RNPC3: variants seen among roughly 807,000 people sequenced by gnomAD.
RNPC3 encodes the protein RNA-binding region-containing protein 3.
A neutral mutation model predicts 67.5 loss-of-function variants in RNPC3; 48 were observed. That is an observed-to-expected ratio of 0.71 (90% CI 0.56 to 0.90). The LOEUF is 0.90. Among genes scored for constraint, RNPC3 ranks in the 40% least tolerant of loss-of-function variants. The pLI, the probability that RNPC3 is intolerant of heterozygous loss-of-function variation, is 0.00. For synonymous variants in RNPC3, 239 were observed against 210.3 expected (o/e 1.14, Z -1.18); for missense variants, 637 against 626.1 (o/e 1.02, Z -0.19).
rs1388440703 is a variant in RNPC3 at position 103,551,766 on chromosome 1, AAAAG to A, written c.1545_1548del (p.Arg515SerfsTer5). On this transcript the variant is annotated frameshift_variant, in exon 14 of 15. Transcript: ENST00000423855. LOFTEE classifies it high-confidence loss of function. ...ACCAAAACAAGATCCTAAGGAAGGA[AAAAG>A]AAAGTGTTAAAAATTAATAAAGGTA... The A allele has an allele frequency of 2.6e-6, 4 of 1,520,068 alleles. No individual in the cohort carries two copies. The highest frequency in any genetic ancestry group is 2.1e-5 in the Admixed American group (1 of 47,594). The allele number at this position is 1,520,068 out of a possible 1,614,324, so 94.2% of individuals were successfully genotyped here.
rs1002506388 is a variant in RNPC3, at chr1:103,533,670, A to G, written c.241-69A>G. The stretch of plus-strand genomic sequence containing the variant: ...ATTAGCAAAAAAAAAAAAAAGTATA[A>G]AAATTGGTCTCTAACGAATCATTTT... On this transcript the variant is annotated intron_variant, in intron 2 of 14. Coordinates refer to ENST00000423855, the MANE Select transcript of RNPC3 (RefSeq NM_017619.4). 6 of 819,164 alleles carry G rather than the reference A, an allele frequency of 7.3e-6. No homozygotes were observed. The East Asian group carries it at 1.6e-4, about 22-fold the overall frequency. 50.7% of individuals were successfully genotyped at this position (819,164 alleles called of 1,614,324 possible). A position where few individuals can be genotyped will look rare whatever the true frequency, so the allele number is the denominator to read the frequency against.
intron 6 of RNPC3, among the ~76,000 whole-genome samples, chr1:103,537,111 A>G (rs1301398509): frequency 2.0e-5 from 3 of 152,188 alleles, no homozygotes; most frequent in Non-Finnish European, 4.4e-5. Flanking sequence ...AAGGAGAAAT[A>G]TAACTGCAGA....
At chr1:103,541,273 A>T in intron 7 of RNPC3, 77 bp from the exon 8 acceptor site, 1 of 1,063,492 alleles carries the variant, frequency 9.4e-7, no homozygotes, top group Non-Finnish European at 1.3e-6. Flanking sequence ...ATACAAATTT[A>T]ACGTTAATAG....
intron 2 of RNPC3, among the ~76,000 whole-genome samples, chr1:103,529,322 A>G (rs1038657045): frequency 4.6e-5 from 7 of 152,174 alleles, no homozygotes; most frequent in South Asian, 2.1e-4. Flanking sequence ...AAGTATGGTA[A>G]TGAAAAACGC....
rs1296407355 is a variant in RNPC3, at chr1:103,525,925, G to C, written c.-146G>C. ...CGCTTTTCGGTGGCGCAGTTCTCGC[G>C]AGAAGGTGACTTTCTTTCTCGGTAT... On this transcript the variant is annotated 5_prime_UTR_variant, in exon 1 of 15. Transcript: ENST00000423855. 9.0e-6 allele frequency: 6 copies of C among 669,720 alleles called. No homozygotes were observed. The highest frequency in any genetic ancestry group is 4.0e-5 in the South Asian group (2 of 49,750). The allele number at this position is 669,720 out of a possible 1,614,324, so 41.5% of individuals were successfully genotyped here.
chr1:103,534,830 T>C lies in RNPC3; in HGVS notation c.416T>C (p.Val139Ala). 2.6e-6 allele frequency: 4 copies of C among 1,532,594 alleles called. No homozygotes were observed. The highest frequency in any genetic ancestry group is 3.5e-6 in the Non-Finnish European group (4 of 1,144,554). The allele number at this position is 1,532,594 out of a possible 1,614,324, so 94.9% of individuals were successfully genotyped here. A position where few individuals can be genotyped will look rare whatever the true frequency, so the allele number is the denominator to read the frequency against. Residue 139 changes from valine (V) to alanine (A), a missense_variant, in exon 4 of 15, where the codon GTA becomes GCA. Val to Ala is a moderately conservative substitution (Grantham distance 64, BLOSUM62 0). This residue lies in a region of RNPC3 where 536 missense variants were observed against 500.3 expected (regional missense o/e 1.07). Coordinates refer to ENST00000423855, the MANE Select transcript of RNPC3 (RefSeq NM_017619.4). Reference sequence around the variant, plus strand: ...AAAAAAGAACTTGGTTATTTAACAGTAGAAAATGGAATTGCACCAAACCAT... The same window carrying C: ...AAAAAAGAACTTGGTTATTTAACAGCAGAAAATGGAATTGCACCAAACCAT... ...KEKKELGYLT[V>A]ENGIAPNHGL...
intron 2 of RNPC3, among the ~76,000 whole-genome samples, chr1:103,531,092 G>C (rs1248845099): frequency 6.6e-6 from 1 of 152,090 alleles, no homozygotes; most frequent in Non-Finnish European, 1.5e-5. Context: ...GAGAACATAC[G>C]ATGTTTGGTT....
intron 12 of RNPC3, among the ~76,000 whole-genome samples, chr1:103,550,372 G>A (rs1022006075): frequency 2.0e-5 from 3 of 151,846 alleles, no homozygotes; most frequent in Non-Finnish European, 4.4e-5. Context: ...GGTGGTCCAC[G>A]CCTGTAATCC....
intron 12 of RNPC3, among the ~76,000 whole-genome samples, chr1:103,547,393 G>T (rs552052831): frequency 6.6e-6 from 1 of 152,138 alleles, no homozygotes; most frequent in South Asian, 2.1e-4. Flanking sequence ...GATTCCGACC[G>T]TAATCTTCCC....
chr1:103,531,792 GT>G (rs1650865688), intron 2 of RNPC3, among the ~76,000 whole-genome samples: 1 of 152,050 alleles, frequency 6.6e-6, no homozygotes, highest in Non-Finnish European at 1.5e-5. Flanking sequence ...TTGTCTGTTT[GT>G]TGATTGTTTC....
In RNPC3 at chr1:103,527,705, C is replaced by T; in HGVS notation, c.203C>T (p.Ala68Val). The T allele has an allele frequency of 1.3e-6, 2 of 1,548,372 alleles. No individual in the cohort carries two copies. Among genetic ancestry groups the T allele is most frequent in the Non-Finnish European group, 1.7e-6 (2 of 1,144,714 alleles). The change falls in exon 2 of 15, where the codon GCT (alanine) becomes GTT (valine). Residue 68 changes from alanine (A) to valine (V), a missense_variant. By Grantham distance (64) the Ala-to-Val change is moderately conservative. Coordinates refer to ENST00000423855, the MANE Select transcript of RNPC3 (RefSeq NM_017619.4). ...TTAACTCTGTTTCAGAAACATACAG[C>T]TTTTGCCACATTCCCTAATGAAAAA... is the stretch of plus-strand genomic sequence containing the variant. ...LSDKGRLKHT[A>V]FATFPNEKAA...
At chr1:103,551,573 A>T in intron 13 of RNPC3, 148 bp from the exon 14 acceptor site, 1 of 549,380 alleles carries the variant, frequency 1.8e-6, no homozygotes, top group Non-Finnish European at 3.3e-6. Context: ...TTAATTATTA[A>T]TTTCCTCTCA....
chr1:103,552,678 T>A (rs936100283), intron 14 of RNPC3: 4 of 151,672 alleles, frequency 2.6e-5, no homozygotes, highest in African/African-American at 9.7e-5. Context: ...GAGAATCGCC[T>A]GAACCTGCGA....
intron 2 of RNPC3, among the ~76,000 whole-genome samples, chr1:103,533,210 G>A (rs1255342816): frequency 6.6e-6 from 1 of 152,004 alleles, no homozygotes; most frequent in African/African-American, 2.4e-5. Flanking sequence ...GCTGGTAGAT[G>A]GGGGGTTATA....
At chr1:103,548,334 C>T (rs1651297350) in intron 12 of RNPC3, among the ~76,000 whole-genome samples, 1 of 152,114 alleles carries the variant, frequency 6.6e-6, no homozygotes, top group African/African-American at 2.4e-5. Flanking sequence ...AACTGAATGT[C>T]TTTAACAGCA....
chr1:103,547,636 A>G (rs1442209946), intron 12 of RNPC3, among the ~76,000 whole-genome samples: 1 of 152,242 alleles, frequency 6.6e-6, no homozygotes, highest in Non-Finnish European at 1.5e-5. Flanking sequence ...CAATGAGTCA[A>G]AACTTTTTAG....
chr1:103,545,110 C>T lies in RNPC3; in HGVS notation c.1207+8C>T, dbSNP rs1443240842. 4 of 1,526,320 alleles carry T rather than the reference C, an allele frequency of 2.6e-6. No individual in the cohort carries two copies. In the African/African-American group the frequency reaches 5.5e-5, roughly 21 times the overall value. The allele number at this position is 1,526,320 out of a possible 1,614,324, so 94.5% of individuals were successfully genotyped here. On this transcript the variant is annotated splice_region_variant and intron_variant, in intron 10 of 14. Coordinates refer to ENST00000423855, the MANE Select transcript of RNPC3 (RefSeq NM_017619.4). ...GCAGAATTTCTAGAGAAGGTAATGT[C>T]ACGAAATAAACTAAGCACATATTCC...
intron 2 of RNPC3, 95 bp downstream of exon 2, chr1:103,527,837 A>G (rs1650756136): frequency 1.1e-6 from 1 of 882,224 alleles, no homozygotes; most frequent in African/African-American, 1.7e-5. Flanking sequence ...AAGAAGCAAA[A>G]GCGTTTGTAT....
At chr1:103,526,960 T>C (rs1297331023) in intron 1 of RNPC3, among the ~76,000 whole-genome samples, 3 of 152,062 alleles carry the variant, frequency 2.0e-5, no homozygotes, top group Admixed American at 2.0e-4. Flanking sequence ...AAGTTGAGAG[T>C]TACTGAATTA....
Sources: allele counts gnomAD v4.1 joint callset (sites outside exome capture counted in the v4.1 genomes callset), GRCh38; gene constraint gnomAD v4.1.1; regional missense constraint gnomAD v4.1.1; transcripts MANE v1.5; gene names NCBI Gene and HGNC (gene_info 2026-07-23, HGNC 2026-07-21).